The following NRG1 variants were observed in gnomAD, a reference collection of about 807,000 sequenced individuals.
The protein encoded by NRG1 is neuregulin 1.
Under a neutral mutation model 63.8 loss-of-function variants are expected in NRG1, and 18 were observed. That is an observed-to-expected ratio of 0.28 (90% CI 0.19 to 0.42). The LOEUF (loss-of-function observed/expected upper bound fraction) is 0.42. Among genes scored for constraint, NRG1 ranks in the 10% least tolerant of loss-of-function variants. NRG1 has a pLI of 1.00. For missense variants in NRG1, 762 were observed against 814.7 expected (o/e 0.94, Z 0.79); for synonymous variants, 302 against 301.3 (o/e 1.00, Z -0.02).
intron 1 of NRG1, among the ~76,000 whole-genome samples, chr8:32,268,477 A>G (rs1262422634): frequency 3.9e-5 from 6 of 152,098 alleles, no homozygotes; most frequent in African/African-American, 7.2e-5. Context: ...GATTTGTTTT[A>G]CTCTTATTTA....
chr8:32,696,339 C>T (rs1175652982), intron 5 of NRG1, among the ~76,000 whole-genome samples: 1 of 151,662 alleles, frequency 6.6e-6, no homozygotes, highest in Non-Finnish European at 1.5e-5. Flanking sequence ...TCAACATTTC[C>T]TTTTCTTTAG....
intron 5 of NRG1, among the ~76,000 whole-genome samples, chr8:32,690,922 T>G (rs962481979): frequency 1.6e-4 from 24 of 149,808 alleles, no homozygotes; most frequent in Non-Finnish European, 4.4e-5. Flanking sequence ...CTTGGAGATT[T>G]TATTGTTTCC....
chr8:31,925,980 T>C (rs935707489), intron 1 of NRG1, among the ~76,000 whole-genome samples: 4 of 152,200 alleles, frequency 2.6e-5, no homozygotes, highest in Admixed American at 1.3e-4. Context: ...ATTTTGTATG[T>C]ATGTATGCTT....
Position 32,541,505 on chromosome 8 carries a change from AG to A in NRG1, c.38-54321del, listed in dbSNP as rs1306370811. 5.1e-5 allele frequency among the ~76,000 whole-genome samples: 5 copies of A among 98,418 alleles called. No homozygotes were observed. The East Asian group carries it at 1.2e-3, about 24-fold the overall frequency. 64.6% of individuals were successfully genotyped at this position (98,418 alleles called of 152,430 possible). A position where few individuals can be genotyped will look rare whatever the true frequency, so the allele number is the denominator to read the frequency against. ...ACCAGGTGTCTCTTATGGAACATAC[AG>A]GAAAAAAAAAAAAAGAGTTGACCTA... is the stretch of plus-strand genomic sequence containing the variant. On this transcript the variant is annotated intron_variant, in intron 1 of 10. Coordinates refer to the NRG1 transcript ENST00000519301.
chr8:32,673,217 G>C (rs1370734150), intron 5 of NRG1, among the ~76,000 whole-genome samples: 1 of 152,046 alleles, frequency 6.6e-6, no homozygotes, highest in African/African-American at 2.4e-5. Flanking sequence ...TTATATGAAG[G>C]AAAGTAAAAT....
intron 1 of NRG1, among the ~76,000 whole-genome samples, chr8:32,558,821 C>A (rs1227955067): frequency 6.6e-6 from 1 of 152,050 alleles, no homozygotes; most frequent in Admixed American, 6.6e-5. Flanking sequence ...TGGCTCATGC[C>A]TGTAATCCCA....
chr8:32,197,978 G>GCA (rs772573624), intron 1 of NRG1, among the ~76,000 whole-genome samples: 30 of 151,318 alleles, frequency 2.0e-4, no homozygotes, highest in East Asian at 5.9e-4. Context: ...GCATGCACGC[G>GCA]CACACACACA....
intron 1 of NRG1, among the ~76,000 whole-genome samples, chr8:31,642,345 T>C (rs548971312): frequency 1.2e-3 from 181 of 152,362 alleles, no homozygotes; most frequent in Non-Finnish European, 2.2e-3. Flanking sequence ...TTTTGAATCA[T>C]TCACACCACA....
At chr8:32,770,123 C>A (rs561295270), downstream of NRG1, among the ~76,000 whole-genome samples, 8 of 152,172 alleles carry the variant, frequency 5.3e-5, no homozygotes, top group East Asian at 1.4e-3. Flanking sequence ...CTCTGCCCAC[C>A]CCACAGGATG....
intron 1 of NRG1, among the ~76,000 whole-genome samples, chr8:31,694,287 C>G (rs923410020): frequency 6.6e-6 from 1 of 152,192 alleles, no homozygotes; most frequent in African/African-American, 2.4e-5. Flanking sequence ...TGGTATTCGA[C>G]ACGGGTTCAC....
intron 1 of NRG1, among the ~76,000 whole-genome samples, chr8:31,848,008 T>C (rs1365365201): frequency 6.6e-6 from 1 of 152,214 alleles, no homozygotes; most frequent in Non-Finnish European, 1.5e-5. Context: ...CTAAATACTT[T>C]CATTCTAGAC....
rs560038632 is a variant in NRG1, at chr8:32,664,821, C to T, written c.502+47936C>T. ...TTTAGCGGTTGTTAGATTAATGAAT[C>T]TCTGAGTGACAACCTCATACATTTA... On this transcript the variant is annotated intron_variant, in intron 5 of 11. Coordinates refer to ENST00000356819, the Ensembl canonical transcript of NRG1. Among the ~76,000 whole-genome samples, 30 of 152,254 alleles carry T rather than the reference C, an allele frequency of 2.0e-4. No homozygotes were observed. The East Asian group carries it at 4.8e-3, about 25-fold the overall frequency.
At chr8:32,206,795 C>T (rs1056415722) in intron 1 of NRG1, among the ~76,000 whole-genome samples, 10 of 152,196 alleles carry the variant, frequency 6.6e-5, no homozygotes, top group African/African-American at 2.4e-4. Flanking sequence ...CCACAACCTC[C>T]ACCCTTCTGA....
intron 1 of NRG1, among the ~76,000 whole-genome samples, chr8:32,379,213 T>TA (rs926943016): frequency 6.6e-6 from 1 of 152,000 alleles, no homozygotes; most frequent in East Asian, 1.9e-4. Flanking sequence ...AAAGAGACTA[T>TA]AAAAAAACAC....
At chr8:32,528,163 G>A (rs558253162) in intron 1 of NRG1, among the ~76,000 whole-genome samples, 1 of 152,316 alleles carries the variant, frequency 6.6e-6, no homozygotes, top group African/African-American at 2.4e-5. Context: ...ATCACTCTGT[G>A]TAAAATAGCC....
chr8:31,913,969 A>G (rs1190088282), intron 1 of NRG1, among the ~76,000 whole-genome samples: 1 of 152,202 alleles, frequency 6.6e-6, no homozygotes. Flanking sequence ...CAAAGAGGCA[A>G]ACAAACCCAA....
At chr8:31,987,733 C>T (rs1438041005) in intron 1 of NRG1, among the ~76,000 whole-genome samples, 1 of 151,948 alleles carries the variant, frequency 6.6e-6, no homozygotes, top group Non-Finnish European at 1.5e-5. Flanking sequence ...ACATGTGCCC[C>T]TGAACCTAAA....
At chr8:31,986,370 A>C (rs772339505) in intron 1 of NRG1, among the ~76,000 whole-genome samples, 1 of 152,086 alleles carries the variant, frequency 6.6e-6, no homozygotes, top group African/African-American at 2.4e-5. Context: ...AGCACTTTTC[A>C]TACATTGCCT....
At chr8:32,310,951 T>C (rs1045397769) in intron 1 of NRG1, among the ~76,000 whole-genome samples, 5 of 152,290 alleles carry the variant, frequency 3.3e-5, no homozygotes, top group African/African-American at 1.2e-4. Flanking sequence ...ATTCTACCCA[T>C]CAGAATTTAG....
Sources: allele counts gnomAD v4.1 joint callset (sites outside exome capture counted in the v4.1 genomes callset), GRCh38; gene constraint gnomAD v4.1.1; transcripts MANE v1.5; gene names NCBI Gene and HGNC (gene_info 2026-07-23, HGNC 2026-07-21).